The following TTC7B variants were observed in gnomAD, a reference collection of about 807,000 sequenced individuals.
The protein encoded by TTC7B is tetratricopeptide repeat protein 7B.
TTC7B carries 28 observed loss-of-function variants against 106.8 expected under a neutral mutation model. The ratio of observed to expected loss-of-function variants is 0.26; its 90% CI spans 0.19 to 0.36. The LOEUF (loss-of-function observed/expected upper bound fraction) is 0.36. Among genes scored for constraint, TTC7B ranks in the 10% least tolerant of loss-of-function variants. The probability of loss-of-function intolerance (pLI) is 1.00; values close to 1 mark genes in which losing one functional copy is unlikely to be tolerated. For missense variants in TTC7B, 862 were observed against 1,076.4 expected (o/e 0.80, Z 2.79); for synonymous variants, 405 against 430.6 (o/e 0.94, Z 0.74).
intron 1 of TTC7B, among the ~76,000 whole-genome samples, chr14:90,812,485 C>T (rs147949998): frequency 6.6e-6 from 1 of 152,290 alleles, no homozygotes; most frequent in Non-Finnish European, 1.5e-5. Context: ...GGACACCTTG[C>T]TGAGATGTGG....
At chr14:90,692,444 A>C (rs1487958997) in intron 6 of TTC7B, among the ~76,000 whole-genome samples, 1 of 152,228 alleles carries the variant, frequency 6.6e-6, no homozygotes, top group Non-Finnish European at 1.5e-5. Context: ...TGCAATTATC[A>C]GCTAATCTTA....
chr14:90,562,891 C>T (rs535966729), intron 19 of TTC7B, among the ~76,000 whole-genome samples: 57 of 152,124 alleles, frequency 3.7e-4, no homozygotes, highest in Admixed American at 5.2e-4. Context: ...GGAGAGTCTG[C>T]GCCTCTACTC....
Position 90,529,217 on chromosome 14 carries a change from G to T in TTC7B, c.*12151C>A, listed in dbSNP as rs915607913. On this transcript the variant is annotated 3_prime_UTR_variant, in exon 20 of 20. Coordinates refer to ENST00000328459, the MANE Select transcript of TTC7B (RefSeq NM_001010854.2). ...CTTTGTTACCTCTTTCCGATAGCGG[G>T]ATCTGACTGCATTTTGCATTCATGG... 1 of 153,260 alleles carries T rather than the reference G, an allele frequency of 6.5e-6. No homozygotes were observed. The highest frequency in any genetic ancestry group is 6.5e-5 in the Admixed American group (1 of 15,296). 9.5% of individuals were successfully genotyped at this position (153,260 alleles called of 1,614,324 possible). A position where few individuals can be genotyped will look rare whatever the true frequency, so the allele number is the denominator to read the frequency against.
intron 19 of TTC7B, among the ~76,000 whole-genome samples, chr14:90,564,539 C>A (rs1890710803): frequency 6.6e-6 from 1 of 152,184 alleles, no homozygotes; most frequent in South Asian, 2.1e-4. Context: ...TGTAGCCAGG[C>A]ACTGACTTCT....
rs1349341102 is a variant in TTC7B at position 90,530,120 on chromosome 14, T to A, written c.*11248A>T. On this transcript the variant is annotated 3_prime_UTR_variant, in exon 20 of 20. Transcript: ENST00000328459. Reference sequence around the variant, plus strand: ...CGTCTCTACTAAAAATGCAAAAAATTAGCCAGGCGTGGTGGCACGTGCCTG... The same window carrying A: ...CGTCTCTACTAAAAATGCAAAAAATAAGCCAGGCGTGGTGGCACGTGCCTG... The A allele has an allele frequency of 6.6e-6, 1 of 152,062 alleles. No homozygotes were observed. The highest frequency in any genetic ancestry group is 1.5e-5 in the Non-Finnish European group (1 of 68,018). The allele number at this position is 152,062 out of a possible 1,614,324, so 9.4% of individuals were successfully genotyped here.
In TTC7B at chr14:90,575,451, G is replaced by C. The variant is rs117595581; in HGVS notation, c.2310+2655C>G. Among the ~76,000 whole-genome samples the C allele has an allele frequency of 6.2e-4, 95 of 152,308 alleles. 2 individuals carry two copies. The East Asian group carries it at 0.015, about 24-fold the overall frequency. ...CCCTTCCTCCCTTCCTCCATCGAAG[G>C]GCACAGAAACACAGCTTCCCTGTGT... On this transcript the variant is annotated intron_variant, in intron 19 of 19. Coordinates refer to ENST00000328459, the MANE Select transcript of TTC7B (RefSeq NM_001010854.2). The surrounding 1 kb of genome is among the most constrained non-coding windows in gnomAD (Gnocchi z 5.2).
rs1890349143 is a variant in TTC7B, at chr14:90,757,688, G to C, written c.446-12766C>G. 6.6e-6 allele frequency among the ~76,000 whole-genome samples: 1 copy of C among 152,174 alleles called. No homozygotes were observed. The highest frequency in any genetic ancestry group is 2.1e-4 in the South Asian group (1 of 4,828). On this transcript the variant is annotated intron_variant, in intron 3 of 19. Transcript: ENST00000328459. The surrounding 1 kb of genome is among the most constrained non-coding windows in gnomAD (Gnocchi z 4.1). Reference sequence around the variant, plus strand: ...GAAAAGGCAATGTCAGTGGTCACTTGTCTGTCCTACGGCTCTAGGATGACA... The same window carrying C: ...GAAAAGGCAATGTCAGTGGTCACTTCTCTGTCCTACGGCTCTAGGATGACA...
intron 3 of TTC7B, among the ~76,000 whole-genome samples, chr14:90,767,542 C>T (rs528421762): frequency 6.6e-6 from 1 of 152,188 alleles, no homozygotes. Context: ...CCTTCTTTCT[C>T]TCACCCTCTC....
In TTC7B at chr14:90,537,789, A is replaced by G. The variant is rs1294561; in HGVS notation, c.*3579T>C. 0.63 allele frequency: 95,214 copies of G among 151,816 alleles called. 31,540 individuals carry two copies. The highest frequency in any genetic ancestry group is 0.75 in the South Asian group (3,607 of 4,812). 9.4% of individuals were successfully genotyped at this position (151,816 alleles called of 1,614,324 possible). The stretch of plus-strand genomic sequence containing the variant: ...CCCTTCCCTGGCTTCATCTTTCTCC[A>G]TGCGTCACCCCACCTGCCATACTCC... On this transcript the variant is annotated 3_prime_UTR_variant, in exon 20 of 20. Coordinates refer to ENST00000328459, the MANE Select transcript of TTC7B (RefSeq NM_001010854.2).
At chr14:90,581,706 T>A (rs147225845) in intron 18 of TTC7B, among the ~76,000 whole-genome samples, 1 of 152,152 alleles carries the variant, frequency 6.6e-6, no homozygotes, top group South Asian at 2.1e-4. Context: ...GGGATGAACA[T>A]GTCCAGAACA....
intron 6 of TTC7B, among the ~76,000 whole-genome samples, chr14:90,693,685 T>G (rs1453930629): frequency 6.6e-6 from 1 of 152,202 alleles, no homozygotes; most frequent in African/African-American, 2.4e-5. Flanking sequence ...CCCACCAGGA[T>G]GGTTACACCT....
chr14:90,606,888 A>G (rs1001723012), intron 17 of TTC7B, among the ~76,000 whole-genome samples: 1 of 152,218 alleles, frequency 6.6e-6, no homozygotes, highest in Non-Finnish European at 1.5e-5. Context: ...CACTTCCAAA[A>G]TCATGAATAC....
At chr14:90,810,200 G>A (rs374382307) in intron 1 of TTC7B, among the ~76,000 whole-genome samples, 18 of 152,206 alleles carry the variant, frequency 1.2e-4, no homozygotes, top group African/African-American at 4.3e-4. Context: ...CAGAAATACT[G>A]ACCCATTTTA....
intron 8 of TTC7B, chr14:90,677,976 A>T (rs1886907416): frequency 2.8e-6 from 1 of 351,108 alleles, no homozygotes; most frequent in African/African-American, 2.2e-5. Context: ...TGAGCCCAAA[A>T]AAAGCAGCTC....
intron 5 of TTC7B, among the ~76,000 whole-genome samples, chr14:90,705,402 G>A (rs1488670224): frequency 6.6e-6 from 1 of 152,162 alleles, no homozygotes; most frequent in East Asian, 1.9e-4. Flanking sequence ...AGAGAGAGAA[G>A]AAGGGAGTCT....
At chr14:90,778,275 C>T (rs1454916455) in intron 3 of TTC7B, among the ~76,000 whole-genome samples, 2 of 152,196 alleles carry the variant, frequency 1.3e-5, no homozygotes, top group African/African-American at 4.8e-5. Flanking sequence ...GAGCCAATGC[C>T]ACAACCTCAT....
At chr14:90,786,431 C>T (rs1891392530) in intron 1 of TTC7B, 103 bp from the exon 2 acceptor site, 1 of 1,414,454 alleles carries the variant, frequency 7.1e-7, no homozygotes, top group South Asian at 1.3e-5. Context: ...AGGCTCCAGG[C>T]CCCCAGCAAG....
chr14:90,701,690 GTATATATATA>G (rs71461917), intron 5 of TTC7B, among the ~76,000 whole-genome samples: 1 of 77,642 alleles, frequency 1.3e-5, no homozygotes, highest in African/African-American at 4.9e-5. Flanking sequence ...CAAAAGAAAC[GTATATATATA>G]TATATATATA....
chr14:90,542,175 G>A (rs774539151), intron 19 of TTC7B, among the ~76,000 whole-genome samples: 6 of 152,110 alleles, frequency 3.9e-5, no homozygotes, highest in Non-Finnish European at 7.4e-5. Flanking sequence ...TCCTGACCTC[G>A]TGATCTGCCC....
Sources: allele counts gnomAD v4.1 joint callset (sites outside exome capture counted in the v4.1 genomes callset), GRCh38; gene constraint gnomAD v4.1.1; non-coding constraint Gnocchi (gnomAD v3.1); transcripts MANE v1.5; gene names NCBI Gene and HGNC (gene_info 2026-07-23, HGNC 2026-07-21).